NIPA1: variants seen among roughly 807,000 people sequenced by gnomAD.
NIPA1 encodes the protein magnesium transporter NIPA1.
Under a neutral mutation model 23.9 loss-of-function variants are expected in NIPA1, and 13 were observed. That is an observed-to-expected ratio of 0.54 (90% CI 0.35 to 0.87). The LOEUF is 0.87. NIPA1 is among the 40% of genes least tolerant of loss of function. NIPA1 has a pLI of 0.01. For missense variants in NIPA1, 362 were observed against 429.7 expected, an observed-to-expected ratio of 0.84 and a Z score of 1.39; for synonymous variants, 234 against 202.9, an observed-to-expected ratio of 1.15 and a Z score of -1.30.
Position 22,824,596 on chromosome 15 carries a change from A to G in NIPA1, c.*357A>G, listed in dbSNP as rs1039601917. On this transcript the variant is annotated 3_prime_UTR_variant, in exon 5 of 5. Transcript: ENST00000337435. The surrounding 1 kb of genome is among the most constrained non-coding windows in gnomAD (Gnocchi z 4.1). ...TTCTGGTTAGTTGTTACATGATAGC[A>G]GAGATATTTTTACTTAGATTACTTT... 3 of 301,994 alleles carry G rather than the reference A, an allele frequency of 9.9e-6. No individual in the cohort carries two copies. The highest frequency in any genetic ancestry group is 4.3e-5 in the African/African-American group (2 of 46,164). 18.7% of individuals were successfully genotyped at this position (301,994 alleles called of 1,614,324 possible). A position where few individuals can be genotyped will look rare whatever the true frequency, so the allele number is the denominator to read the frequency against.
intron 1 of NIPA1, among the ~76,000 whole-genome samples, chr15:22,804,303 A>G (rs921496295): frequency 2.0e-5 from 3 of 151,740 alleles, no homozygotes; most frequent in South Asian, 2.1e-4. Flanking sequence ...TTGTATTTTT[A>G]GTAGAGAAAG....
intron 2 of NIPA1, 118 bp from the exon 3 acceptor site, chr15:22,812,045 C>A: frequency 1.2e-6 from 1 of 813,210 alleles, no homozygotes; most frequent in Non-Finnish European, 2.1e-6. Context: ...TGTGATTCTT[C>A]ACAAGTAATG....
intron 1 of NIPA1, among the ~76,000 whole-genome samples, chr15:22,791,262 A>G (rs1894819005): frequency 6.6e-6 from 1 of 152,026 alleles, no homozygotes; most frequent in South Asian, 2.1e-4. Context: ...TGGAGTTTCC[A>G]ATGTCTGTTA....
intron 1 of NIPA1, among the ~76,000 whole-genome samples, chr15:22,797,429 G>T (rs1169519704): frequency 6.6e-6 from 1 of 151,480 alleles, no homozygotes; most frequent in Admixed American, 6.6e-5. Context: ...AGCCAGGATG[G>T]TCTCGATCTC....
chr15:22,814,116 GT>G (rs1895369377), intron 3 of NIPA1: 1 of 1,271,612 alleles, frequency 7.9e-7, no homozygotes, highest in Non-Finnish European at 1.0e-6. Flanking sequence ...GTCAGATGGT[GT>G]TCTGGATAAA....
chr15:22,820,298 C>T lies in NIPA1; in HGVS notation c.318-15C>T, dbSNP rs1555373770. On this transcript the variant is annotated splice_polypyrimidine_tract_variant and intron_variant, in intron 3 of 4. Coordinates refer to ENST00000337435, the MANE Select transcript of NIPA1 (RefSeq NM_144599.5). ...TTTGGTTTAAACTTTAATGATTTCT[C>T]TTTTTTCAATAAAGGTCCATTTTAG... 7 of 1,589,936 alleles carry T rather than the reference C, an allele frequency of 4.4e-6. No homozygotes were observed. The highest frequency in any genetic ancestry group is 6.0e-6 in the Non-Finnish European group (7 of 1,158,248).
At chr15:22,804,136 C>G (rs2094899129) in intron 1 of NIPA1, among the ~76,000 whole-genome samples, 1 of 151,920 alleles carries the variant, frequency 6.6e-6, no homozygotes, top group Non-Finnish European at 1.5e-5. Context: ...ACCACCACAT[C>G]CAGCTAATTT....
Position 22,822,069 on chromosome 15 carries a change from G to A in NIPA1, c.478+1596G>A, listed in dbSNP as rs542618888. 3.2e-4 allele frequency among the ~76,000 whole-genome samples: 49 copies of A among 152,174 alleles called. 2 individuals are homozygous for A. The South Asian group carries it at 8.9e-3, about 28-fold the overall frequency. ...AGCTGCAGATATAGACTGACGTGGGGGTGTAATGTTATTGACTGGGACACT... is the reference window on the plus strand; with the variant it reads ...AGCTGCAGATATAGACTGACGTGGGAGTGTAATGTTATTGACTGGGACACT... On this transcript the variant is annotated intron_variant, in intron 4 of 4. Transcript: ENST00000337435.
chr15:22,822,551 G>A (rs1018766044), intron 4 of NIPA1, among the ~76,000 whole-genome samples: 6 of 152,150 alleles, frequency 3.9e-5, no homozygotes, highest in Non-Finnish European at 8.8e-5. Context: ...TTTCTAGGCC[G>A]GGCACAGTGG....
At chr15:22,801,507 C>CTTTT (rs35360583) in intron 1 of NIPA1, among the ~76,000 whole-genome samples, 3 of 78,968 alleles carry the variant, frequency 3.8e-5, no homozygotes, top group Non-Finnish European at 6.7e-5. Context: ...CTTCTAGCGA[C>CTTTT]TTTTTTTTTT....
chr15:22,798,655 T>C (rs1375245711), intron 1 of NIPA1, among the ~76,000 whole-genome samples: 1 of 146,454 alleles, frequency 6.8e-6, no homozygotes, highest in African/African-American at 2.5e-5. Flanking sequence ...GAGACCATCC[T>C]GGCCAACACG....
At chr15:22,787,323 G>C (rs1246363385) in intron 1 of NIPA1, among the ~76,000 whole-genome samples, 1 of 152,228 alleles carries the variant, frequency 6.6e-6, no homozygotes, top group Non-Finnish European at 1.5e-5. Flanking sequence ...GCTCGGTAGA[G>C]CAAGACCTGG....
rs926508278 is a variant in NIPA1 at position 22,804,004 on chromosome 15, T to C, written c.179-6745T>C. ...TTGTTTTTGTTTTTTTGAGACAGGG[T>C]CTCACTCTGTTGCCCAGGCTGGAAT... On this transcript the variant is annotated intron_variant, in intron 1 of 4. Coordinates refer to ENST00000337435, the MANE Select transcript of NIPA1 (RefSeq NM_144599.5). Among the ~76,000 whole-genome samples the C allele has an allele frequency of 2.7e-5, 4 of 147,604 alleles. No homozygotes were observed. In the Admixed American group the frequency reaches 2.7e-4, roughly 10 times the overall value.
At position 22,826,630 on chromosome 15, in the gene NIPA1, C is replaced by T. The variant is rs1162279314; in HGVS notation, c.*2391C>T. 1 of 152,074 alleles carries T rather than the reference C, an allele frequency of 6.6e-6. No homozygotes were observed. Among genetic ancestry groups the T allele is most frequent in the Non-Finnish European group, 1.5e-5 (1 of 68,022 alleles). The allele number at this position is 152,074 out of a possible 1,614,324, so 9.4% of individuals were successfully genotyped here. On this transcript the variant is annotated 3_prime_UTR_variant, in exon 5 of 5. Transcript: ENST00000337435. ...GTGTACCTTAGTATATTTTAATCCA[C>T]AATTATACCATTGATACTGAGAGGT...
At chr15:22,796,357 T>C (rs967655280) in intron 1 of NIPA1, among the ~76,000 whole-genome samples, 4 of 152,228 alleles carry the variant, frequency 2.6e-5, no homozygotes, top group Admixed American at 1.3e-4. Flanking sequence ...AATTTCTACA[T>C]GAAACCAACA....
chr15:22,814,558 G>A (rs1172445274), intron 3 of NIPA1, among the ~76,000 whole-genome samples: 1 of 150,210 alleles, frequency 6.7e-6, no homozygotes, highest in Non-Finnish European at 1.5e-5. Flanking sequence ...AATGGGATGG[G>A]GTTGCTGGAA....
chr15:22,822,378 C>G (rs1436822851), intron 4 of NIPA1, among the ~76,000 whole-genome samples: 1 of 152,050 alleles, frequency 6.6e-6, no homozygotes, highest in East Asian at 1.9e-4. Flanking sequence ...CTGCACATGC[C>G]TCTGCCCACT....
chr15:22,787,268 C>A (rs982409887), intron 1 of NIPA1, among the ~76,000 whole-genome samples: 4 of 152,160 alleles, frequency 2.6e-5, no homozygotes, highest in Admixed American at 6.5e-5. Flanking sequence ...CAGCGCCCGC[C>A]TGGAAGCGCC....
intron 1 of NIPA1, among the ~76,000 whole-genome samples, chr15:22,800,899 C>G (rs536007234): frequency 1.3e-4 from 19 of 150,814 alleles, no homozygotes; most frequent in Admixed American, 1.1e-3. Context: ...CCACTGCACT[C>G]CAGCCTGGGC....
Sources: gnomAD v4.1 joint callset for allele counts (sites outside exome capture counted in the v4.1 genomes callset) on GRCh38, gnomAD v4.1.1 for gene constraint, Gnocchi (gnomAD v3.1) non-coding constraint, MANE v1.5 for transcripts, NCBI Gene and HGNC (gene_info 2026-07-23, HGNC 2026-07-21) for gene names.